Variants in ACAT1 observed in about 807,000 individuals in gnomAD.
ACAT1 encodes acetyl-CoA acetyltransferase 1, also known as acetyl-CoA acetyltransferase, mitochondrial.
Under a neutral mutation model 47.3 loss-of-function variants are expected in ACAT1, and 28 were observed. That is an observed-to-expected ratio of 0.59 (90% confidence interval 0.44 to 0.81). The LOEUF (loss-of-function observed/expected upper bound fraction) is 0.81, where lower values mean the gene tolerates loss of function less well. ACAT1 is among the 30% of genes least tolerant of loss of function. The pLI is 0.00. For synonymous variants in ACAT1, 181 were observed against 173.6 expected, an observed-to-expected ratio of 1.04 and a Z score of -0.34; for missense variants, 469 against 524.3, an observed-to-expected ratio of 0.89 and a Z score of 1.03.
At chr11:108,119,117 A>G (rs908778857), upstream of ACAT1, among the ~76,000 whole-genome samples, 1 of 152,184 alleles carries the variant, frequency 6.6e-6, no homozygotes, top group Non-Finnish European at 1.5e-5. Context: ...TCCCTAATTC[A>G]GTGGATTTTT....
rs120074144 is a variant in ACAT1 at position 108,141,688 on chromosome 11, C to T, written c.814C>T (p.Gln272Ter). ...AGTTCCAAAGCTGAAGACAGTTTTC[C>T]AGAAAGAAAATGGTTAGTGTTAAGA... ...SKVPKLKTVFQKENGTVTAAN... is the reference protein window; with the variant it reads ...SKVPKLKTVF The change falls in exon 8 of 12, where the codon CAG (glutamine) becomes TAG (stop). Residue 272 changes from glutamine to a stop codon, truncating the protein, a stop_gained. Transcript: ENST00000265838. LOFTEE classifies it high-confidence loss of function. The T allele has an allele frequency of 2.2e-5, 35 of 1,611,688 alleles. No homozygotes were observed. The highest frequency in any genetic ancestry group is 2.9e-5 in the Non-Finnish European group (34 of 1,178,420).
upstream of ACAT1, chr11:108,121,200 CAAAAA>C (rs10561331): frequency 7.4e-4 from 185 of 251,682 alleles, no homozygotes; most frequent in South Asian, 1.8e-3. Context: ...GACCTTGTCT[CAAAAA>C]AAAAAAAAAA....
intron 1 of ACAT1, among the ~76,000 whole-genome samples, chr11:108,127,063 C>T (rs985764354): frequency 2.6e-5 from 4 of 151,224 alleles, no homozygotes. Flanking sequence ...TGATCCGCCC[C>T]CCTCGGCCTC....
chr11:108,143,402 G>A (rs1398005612), intron 9 of ACAT1: 2 of 152,140 alleles, frequency 1.3e-5, no homozygotes, highest in Non-Finnish European at 1.5e-5. Context: ...ATGGGATTAG[G>A]AGTCCAGAAA....
At chr11:108,132,461 A>G (rs1204544621) in intron 2 of ACAT1, among the ~76,000 whole-genome samples, 2 of 152,202 alleles carry the variant, frequency 1.3e-5, no homozygotes, top group African/African-American at 2.4e-5. Flanking sequence ...GTGGAAGACA[A>G]GTGTAAGGAG....
At chr11:108,130,317 A>G (rs549781962) in intron 1 of ACAT1, among the ~76,000 whole-genome samples, 2 of 152,106 alleles carry the variant, frequency 1.3e-5, no homozygotes, top group Non-Finnish European at 1.5e-5. Context: ...TGAGAAAGAC[A>G]TGTGTTTGGA....
rs1351732995 is a variant in ACAT1 at position 108,142,471 on chromosome 11, T to C, written c.861T>C (p.Asn287=). ...CAGCTGCCAATGCCAGTACACTGAA[T>C]GATGGAGCAGCTGCTCTGGTTCTCA... The part of the protein sequence containing the change: ...TVTAANASTL[N]DGAAALVLMT... The change falls in exon 9 of 12, where the codon AAT becomes AAC. Residue 287 remains asparagine, a synonymous_variant. Coordinates refer to ENST00000265838, the MANE Select transcript of ACAT1 (RefSeq NM_000019.4). The C allele has an allele frequency of 1.9e-6, 3 of 1,614,022 alleles. No homozygotes were observed. The highest frequency in any genetic ancestry group is 1.1e-5 in the South Asian group (1 of 91,086).
upstream of ACAT1, among the ~76,000 whole-genome samples, chr11:108,117,205 G>C (rs1394416573): frequency 6.6e-6 from 1 of 151,968 alleles, no homozygotes; most frequent in Non-Finnish European, 1.5e-5. Context: ...TTAGCTACTT[G>C]GAAGGCTGAG....
upstream of ACAT1, among the ~76,000 whole-genome samples, chr11:108,119,703 T>G (rs994883718): frequency 6.6e-6 from 1 of 152,166 alleles, no homozygotes; most frequent in Non-Finnish European, 1.5e-5. Flanking sequence ...TGACATACAA[T>G]GTAATGACTT....
chr11:108,135,010 A>C (rs974624239), intron 4 of ACAT1, 132 bp from the exon 5 acceptor site: 2 of 647,552 alleles, frequency 3.1e-6, no homozygotes, highest in Non-Finnish European at 5.4e-6. Flanking sequence ...CTTAAATGAA[A>C]TATTAAATGC....
At chr11:108,134,881 C>T (rs1318452856) in intron 4 of ACAT1, among the ~76,000 whole-genome samples, 1 of 132,956 alleles carries the variant, frequency 7.5e-6, no homozygotes, top group African/African-American at 2.9e-5. Context: ...GGAGGTGGAG[C>T]TTGCAGTGAG....
At chr11:108,124,946 A>C (rs745841177) in intron 1 of ACAT1, among the ~76,000 whole-genome samples, 2 of 152,306 alleles carry the variant, frequency 1.3e-5, no homozygotes, top group African/African-American at 2.4e-5. Context: ...TCTCCCATGT[A>C]AAGTAGGCCG....
intron 5 of ACAT1, among the ~76,000 whole-genome samples, chr11:108,135,619 G>A (rs995991751): frequency 2.6e-5 from 4 of 152,044 alleles, no homozygotes; most frequent in Non-Finnish European, 4.4e-5. Flanking sequence ...AGCACTTTGG[G>A]AGGCTGAGGC....
chr11:108,141,277 T>G (rs1220923869), intron 7 of ACAT1, among the ~76,000 whole-genome samples: 3 of 144,236 alleles, frequency 2.1e-5, no homozygotes, highest in Non-Finnish European at 4.5e-5. Context: ...CCCAGCTACT[T>G]GGGAGGCTGA....
chr11:108,146,548 CTAA>C (rs58533282), intron 11 of ACAT1, among the ~76,000 whole-genome samples, 189 bp downstream of exon 11: 5,142 of 152,178 alleles, frequency 0.034, 285 homozygotes, highest in African/African-American at 0.11. Flanking sequence ...TATTTGAAAC[CTAA>C]TAATGTTTTA....
At chr11:108,138,421 G>C (rs1390968998) in intron 5 of ACAT1, among the ~76,000 whole-genome samples, 1 of 148,702 alleles carries the variant, frequency 6.7e-6, no homozygotes, top group African/African-American at 2.5e-5. Context: ...TTCTTTTGAG[G>C]AGTCTTGCTC....
chr11:108,123,981 C>T (rs1432619280), intron 1 of ACAT1, among the ~76,000 whole-genome samples: 2 of 152,174 alleles, frequency 1.3e-5, no homozygotes, highest in Non-Finnish European at 2.9e-5. Flanking sequence ...CTCCCAGATT[C>T]ATTTATCTTC....
intron 8 of ACAT1, 22 bp downstream of exon 8, chr11:108,141,722 A>G (rs2077590687): frequency 1.3e-6 from 2 of 1,563,718 alleles, no homozygotes. Flanking sequence ...GAAATGAAGC[A>G]TAAGAAAAAA....
At position 108,138,796 on chromosome 11, in the gene ACAT1, A is replaced by G. The variant is rs1010775011; in HGVS notation, c.436-102A>G. ...ATTCACTGTGTAACAAATGTTTAAT[A>G]AATGCATGTAGAATACTTGTTTGGT... On this transcript the variant is annotated intron_variant, in intron 5 of 11. Transcript: ENST00000265838. 8 of 1,299,660 alleles carry G rather than the reference A, an allele frequency of 6.2e-6. No homozygotes were observed. The African/African-American group carries it at 1.2e-4, about 19-fold the overall frequency. 80.5% of individuals were successfully genotyped at this position (1,299,660 alleles called of 1,614,324 possible). A position where few individuals can be genotyped will look rare whatever the true frequency, so the allele number is the denominator to read the frequency against.
Sources: gnomAD v4.1 joint callset for allele counts (sites outside exome capture counted in the v4.1 genomes callset) on GRCh38, gnomAD v4.1.1 for gene constraint, MANE v1.5 for transcripts, NCBI Gene and HGNC (gene_info 2026-07-23, HGNC 2026-07-21) for gene names.